Variants in BAZ1B observed in about 807,000 individuals in gnomAD.
BAZ1B encodes tyrosine-protein kinase BAZ1B.
In BAZ1B, 22 loss-of-function variants were observed where a neutral mutation model predicts 153.8. The observed-to-expected ratio is 0.14, with a 90% CI of 0.10 to 0.20. The LOEUF (loss-of-function observed/expected upper bound fraction) is 0.20. Among genes scored for constraint, BAZ1B ranks in the 10% least tolerant of loss-of-function variants. The pLI is 1.00. For synonymous variants in BAZ1B, 676 were observed against 633.4 expected (o/e 1.07, Z -1.01); for missense variants, 1,325 against 1,799.3 (o/e 0.74, Z 4.77).
At chr7:73,510,628 T>G in intron 2 of BAZ1B, 108 bp downstream of exon 2, 1 of 1,064,042 alleles carries the variant, frequency 9.4e-7, no homozygotes, top group Non-Finnish European at 1.4e-6. Flanking sequence ...TAATATAGTC[T>G]AATTTGTGCC....
intron 5 of BAZ1B, among the ~76,000 whole-genome samples, chr7:73,490,408 T>C (rs1789588961): frequency 6.6e-6 from 1 of 152,184 alleles, no homozygotes; most frequent in South Asian, 2.1e-4. Flanking sequence ...AAAAATTTTT[T>C]TTAAAAAGTC....
At chr7:73,515,141 ATACAGTCC>A (rs1554579117) in intron 1 of BAZ1B, among the ~76,000 whole-genome samples, 1 of 152,226 alleles carries the variant, frequency 6.6e-6, no homozygotes, top group East Asian at 1.9e-4. Flanking sequence ...TGCCAAGAAT[ATACAGTCC>A]TCTATTATTC....
chr7:73,512,874 G>A (rs1464905757), intron 1 of BAZ1B, among the ~76,000 whole-genome samples: 1 of 152,172 alleles, frequency 6.6e-6, no homozygotes, highest in Non-Finnish European at 1.5e-5. Flanking sequence ...TATCTCCTGA[G>A]CTCAAGAGAT....
chr7:73,478,195 T>G lies in BAZ1B; in HGVS notation c.1266A>C (p.Lys422Asn). Residue 422 changes from lysine to asparagine, a missense_variant, in exon 7 of 20, where the codon AAA (lysine) becomes AAC (asparagine). By Grantham distance (94) the Lys-to-Asn change is moderately conservative. Coordinates refer to ENST00000339594, the MANE Select transcript of BAZ1B (RefSeq NM_032408.4). ...GAGTCTTCAGTCCTTTTTTGGGAGA[T>G]TTGGAATTCCCTGTGGATTTCTGTC... ...LNGQKSTGNS[K>N]SPKKGLKTPK... 1 of 1,614,064 alleles carries G rather than the reference T, an allele frequency of 6.2e-7. No homozygotes were observed. Among genetic ancestry groups the G allele is most frequent in the Non-Finnish European group, 8.5e-7 (1 of 1,179,994 alleles).
chr7:73,445,962 A>T (rs782418795), intron 16 of BAZ1B, among the ~76,000 whole-genome samples: 5 of 152,218 alleles, frequency 3.3e-5, no homozygotes, highest in Non-Finnish European at 7.3e-5. Flanking sequence ...CTGATGGGCC[A>T]TTTGTTCACT....
At chr7:73,444,208 G>A (rs1583881281) in intron 16 of BAZ1B, 79 bp from the exon 17 acceptor site, 2 of 1,434,250 alleles carry the variant, frequency 1.4e-6, no homozygotes, top group East Asian at 2.5e-5. Context: ...GGAAAGGGAT[G>A]CAGGGAGAAT....
At chr7:73,489,778 G>C (rs1282833537) in intron 5 of BAZ1B, among the ~76,000 whole-genome samples, 1 of 152,214 alleles carries the variant, frequency 6.6e-6, no homozygotes, top group African/African-American at 2.4e-5. Flanking sequence ...GGGCAACAGA[G>C]TGAGACCCTA....
At chr7:73,468,836 T>C (rs569983071) in intron 9 of BAZ1B, among the ~76,000 whole-genome samples, 4 of 152,198 alleles carry the variant, frequency 2.6e-5, no homozygotes, top group South Asian at 4.1e-4. Flanking sequence ...ATTTTAAAAG[T>C]AGAAGAAGAG....
chr7:73,472,383 C>T (rs1028589595), intron 7 of BAZ1B, among the ~76,000 whole-genome samples: 5 of 151,894 alleles, frequency 3.3e-5, no homozygotes, highest in Non-Finnish European at 7.4e-5. Flanking sequence ...CTCAGTCTAC[C>T]GAGTAGCTGG....
intron 1 of BAZ1B, among the ~76,000 whole-genome samples, chr7:73,516,868 C>T (rs557647723): frequency 1.4e-5 from 2 of 145,398 alleles, no homozygotes; most frequent in African/African-American, 2.6e-5. Context: ...GTTCTGGTAA[C>T]TGTTCTGGTA....
chr7:73,488,550 G>A (rs782814985), intron 6 of BAZ1B, among the ~76,000 whole-genome samples: 2 of 151,716 alleles, frequency 1.3e-5, no homozygotes, highest in Non-Finnish European at 2.9e-5. Context: ...TGGCCAACAC[G>A]GCAAAACCCC....
intron 13 of BAZ1B, among the ~76,000 whole-genome samples, chr7:73,457,606 T>C (rs1788253087): frequency 6.6e-6 from 1 of 152,248 alleles, no homozygotes; most frequent in African/African-American, 2.4e-5. Flanking sequence ...TATTTGGTCC[T>C]TCTCCGCAGA....
At position 73,466,342 on chromosome 7, in the gene BAZ1B, C is replaced by G; in HGVS notation, c.2926G>C (p.Glu976Gln). 4 of 1,613,958 alleles carry G rather than the reference C, an allele frequency of 2.5e-6. No individual in the cohort carries two copies. The highest frequency in any genetic ancestry group is 3.4e-6 in the Non-Finnish European group (4 of 1,179,862). Residue 976 changes from glutamate to glutamine, a missense_variant, in exon 10 of 20, where the codon GAA becomes CAA. Transcript: ENST00000339594. Reference protein sequence around the residue: ...SMNTQHGTATEVAVETTTPKQ... With the variant: ...SMNTQHGTATQVAVETTTPKQ... ...GGTGTGGTTGTCTCTACAGCAACTT[C>G]TGTTGCTGTTCCATGTTGTGTGTTC... is the stretch of plus-strand genomic sequence containing the variant.
chr7:73,486,901 C>T (rs1789432902), intron 6 of BAZ1B, among the ~76,000 whole-genome samples: 1 of 152,160 alleles, frequency 6.6e-6, no homozygotes, highest in Non-Finnish European at 1.5e-5. Flanking sequence ...GCTGAGAAGC[C>T]AAAGTCCTAA....
At chr7:73,444,398 G>A (rs181843588) in intron 16 of BAZ1B, among the ~76,000 whole-genome samples, 11 of 152,230 alleles carry the variant, frequency 7.2e-5, no homozygotes, top group African/African-American at 2.2e-4. Context: ...GTCCTGCCCC[G>A]TCCTGCAGTT....
At chr7:73,489,489 C>T (rs1789548771) in intron 5 of BAZ1B, 98 bp from the exon 6 acceptor site, 10 of 1,229,248 alleles carry the variant, frequency 8.1e-6, no homozygotes, top group Non-Finnish European at 9.3e-6. Flanking sequence ...AATCAAAATT[C>T]CATCTATATC....
chr7:73,475,073 TAAC>T (rs1554572568), intron 7 of BAZ1B, among the ~76,000 whole-genome samples: 1 of 152,052 alleles, frequency 6.6e-6, no homozygotes, highest in East Asian at 1.9e-4. Flanking sequence ...AGTCAGAAAA[TAAC>T]AAGTATTGAT....
At chr7:73,454,920 AT>A (rs1167389800) in intron 13 of BAZ1B, among the ~76,000 whole-genome samples, 1 of 151,292 alleles carries the variant, frequency 6.6e-6, no homozygotes, top group Non-Finnish European at 1.5e-5. Context: ...CACTGGTGCG[AT>A]CTCGGCTCAC....
Position 73,478,173 on chromosome 7 carries a change from T to TG in BAZ1B, c.1287_1288insC (p.Thr430HisfsTer3), listed in dbSNP as rs1554573167. 1 of 1,614,004 alleles carries TG rather than the reference T, an allele frequency of 6.2e-7. No homozygotes were observed. Among genetic ancestry groups the TG allele is most frequent in the Non-Finnish European group, 8.5e-7 (1 of 1,180,004 alleles). The stretch of plus-strand genomic sequence containing the variant: ...ATCTGCTTCATTTTGGTTTTAGGAG[T>TG]CTTCAGTCCTTTTTTGGGAGATTTG... On this transcript the variant is annotated frameshift_variant, in exon 7 of 20. Transcript: ENST00000339594. LOFTEE classifies it high-confidence loss of function.
Sources: allele counts gnomAD v4.1 joint callset (sites outside exome capture counted in the v4.1 genomes callset), GRCh38; gene constraint gnomAD v4.1.1; transcripts MANE v1.5; gene names NCBI Gene and HGNC (gene_info 2026-07-23, HGNC 2026-07-21).